The following ECT2L variants were observed in gnomAD, a reference collection of about 807,000 sequenced individuals.
The protein encoded by ECT2L is epithelial cell-transforming sequence 2 oncogene-like.
In ECT2L, 126 loss-of-function variants were observed where a neutral mutation model predicts 122.8. The observed-to-expected ratio is 1.03, with a 90% CI of 0.89 to 1.19. The LOEUF is 1.19. Among genes scored for constraint, ECT2L ranks in the 50% most tolerant of loss-of-function variants. The pLI is 0.00. For synonymous variants in ECT2L, 385 were observed against 381.8 expected, an observed-to-expected ratio of 1.01 and a Z score of -0.10; for missense variants, 1,012 against 1,064.1, an observed-to-expected ratio of 0.95 and a Z score of 0.68.
intron 9 of ECT2L, among the ~76,000 whole-genome samples, chr6:138,852,622 A>G (rs762193036): frequency 9.9e-5 from 15 of 152,138 alleles, no homozygotes; most frequent in Non-Finnish European, 1.8e-4. Flanking sequence ...TTTCAGTGAA[A>G]TTTATCATTG....
rs375837887 is a variant in ECT2L at position 138,800,083 on chromosome 6, C to T, written c.-244+3891C>T. 4.3e-4 allele frequency among the ~76,000 whole-genome samples: 65 copies of T among 152,144 alleles called. 1 individual carries two copies. The highest frequency in any genetic ancestry group is 1.5e-3 in the African/African-American group (61 of 41,424). On this transcript the variant is annotated intron_variant, in intron 1 of 21. Transcript: ENST00000541398. Reference sequence around the variant, plus strand: ...GGATCCAGTTGCAAATGAGGAGAGACACAGATTGGGGTCTTCTATTTTATT... The same window carrying T: ...GGATCCAGTTGCAAATGAGGAGAGATACAGATTGGGGTCTTCTATTTTATT...
chr6:138,861,491 C>T (rs574242000), intron 10 of ECT2L, among the ~76,000 whole-genome samples: 1 of 152,294 alleles, frequency 6.6e-6, no homozygotes, highest in South Asian at 2.1e-4. Context: ...TGATGATGAG[C>T]TTTTTTTCAT....
Position 138,897,255 on chromosome 6 carries a change from A to C in ECT2L, c.2415-3693A>C, listed in dbSNP as rs73559457. 4.6e-3 allele frequency among the ~76,000 whole-genome samples: 693 copies of C among 152,276 alleles called. 7 individuals are homozygous for C. Among genetic ancestry groups the C allele is most frequent in the African/African-American group, 0.016 (650 of 41,548 alleles). Reference sequence around the variant, plus strand: ...CAGCTGCTCCATTATGTCAATACTAAAGATGAAATTACAGCCATATCTGCA... The same window carrying C: ...CAGCTGCTCCATTATGTCAATACTACAGATGAAATTACAGCCATATCTGCA... On this transcript the variant is annotated intron_variant, in intron 20 of 21. Transcript: ENST00000541398.
In ECT2L at chr6:138,826,458, C is replaced by T. The variant is rs543346014; in HGVS notation, c.179+11855C>T. On this transcript the variant is annotated intron_variant, in intron 4 of 21. Coordinates refer to ENST00000541398, the MANE Select transcript of ECT2L (RefSeq NM_001077706.3). ...ATTCCAGCGCTTTGGGAGGCCGAGGCGGGAGGTCAAGAGTTGAGACCAGCC... is the reference window on the plus strand; with the variant it reads ...ATTCCAGCGCTTTGGGAGGCCGAGGTGGGAGGTCAAGAGTTGAGACCAGCC... 6.6e-5 allele frequency among the ~76,000 whole-genome samples: 10 copies of T among 152,016 alleles called. 1 individual carries two copies. The highest frequency in any genetic ancestry group is 1.9e-4 in the East Asian group (1 of 5,154).
intron 1 of ECT2L, among the ~76,000 whole-genome samples, chr6:138,801,892 G>T (rs1775555151): frequency 6.6e-6 from 1 of 152,204 alleles, no homozygotes; most frequent in Non-Finnish European, 1.5e-5. Context: ...ACATAAATGA[G>T]ATTGTCTGTA....
At chr6:138,840,671 C>T (rs1037174740) in intron 5 of ECT2L, among the ~76,000 whole-genome samples, 1 of 150,950 alleles carries the variant, frequency 6.6e-6, no homozygotes, top group African/African-American at 2.4e-5. Context: ...TTAAAGGTAA[C>T]ATTTCTATCA....
intron 1 of ECT2L, among the ~76,000 whole-genome samples, chr6:138,808,788 G>A (rs1162260948): frequency 1.4e-5 from 2 of 147,724 alleles, no homozygotes; most frequent in East Asian, 2.0e-4. Context: ...GTTCAGTGGC[G>A]CAATCTCGAC....
chr6:138,824,039 A>G (rs35153912), intron 4 of ECT2L, among the ~76,000 whole-genome samples: 33,855 of 150,364 alleles, frequency 0.23, 4,155 homozygotes, highest in Middle Eastern at 0.29. Flanking sequence ...GCATAAGTGA[A>G]TAACACTCTG....
In ECT2L at chr6:138,900,979, T is replaced by C; in HGVS notation, c.2446T>C (p.Phe816Leu). 6.2e-7 allele frequency: 1 copy of C among 1,614,174 alleles called. No individual in the cohort carries two copies. Among genetic ancestry groups the C allele is most frequent in the Non-Finnish European group, 8.5e-7 (1 of 1,180,022 alleles). The change falls in exon 21 of 22, where the codon TTC (phenylalanine) becomes CTC (leucine). Residue 816 changes from phenylalanine to leucine, a missense_variant. Transcript: ENST00000541398. ...TGAACACATCCATGATCTCAGCCTT[T>C]TCCTCTTCAATGATGCCCTGCTCGT... ...LYEHIHDLSL[F>L]LFNDALLVSS...
chr6:138,838,804 A>G (rs984617262), intron 5 of ECT2L, among the ~76,000 whole-genome samples: 2 of 152,208 alleles, frequency 1.3e-5, no homozygotes, highest in Non-Finnish European at 2.9e-5. Flanking sequence ...TTTGAGACGG[A>G]GTCTCGCTCT....
chr6:138,825,963 C>T (rs1224961842), intron 4 of ECT2L, among the ~76,000 whole-genome samples: 3 of 152,316 alleles, frequency 2.0e-5, no homozygotes, highest in Non-Finnish European at 4.4e-5. Context: ...CTGCCTTAGT[C>T]AACGACTCCC....
In ECT2L at chr6:138,890,492, CTTTTTTTTTTTTTTT is replaced by C. The variant is rs552594959; in HGVS notation, c.2414+1475_2414+1489del. ...TCATGACATTTTTGTTTTCTTTGAT[CTTTTTTTTTTTTTTT>C]TTTTTTTTTTTTTGGTCAGTAGCAA... On this transcript the variant is annotated intron_variant, in intron 20 of 21. Transcript: ENST00000541398. 1.5e-3 allele frequency among the ~76,000 whole-genome samples: 121 copies of C among 78,996 alleles called. 1 individual carries two copies. Among genetic ancestry groups the C allele is most frequent in the African/African-American group, 6.3e-3 (113 of 18,032 alleles). 51.8% of individuals were successfully genotyped at this position (78,996 alleles called of 152,430 possible).
At position 138,854,030 on chromosome 6, in the gene ECT2L, T is replaced by C. The variant is rs1224367196; in HGVS notation, c.1074T>C (p.Tyr358=). 2 of 1,613,678 alleles carry C rather than the reference T, an allele frequency of 1.2e-6. No homozygotes were observed. The highest frequency in any genetic ancestry group is 1.7e-6 in the Non-Finnish European group (2 of 1,179,782). ...ATTTTGATTTTTTTTCCTCAGGCTA[T>C]AAAATTGGTGTTAAAAATTTACTGA... The part of the protein sequence containing the change: ...DSREINLLQG[Y]KIGVKNLLRP... The change falls in exon 10 of 22, where the codon TAT becomes TAC. Residue 358 remains tyrosine (Y), a synonymous_variant. Coordinates refer to ENST00000541398, the MANE Select transcript of ECT2L (RefSeq NM_001077706.3).
intron 5 of ECT2L, among the ~76,000 whole-genome samples, chr6:138,842,504 G>A (rs1443534593): frequency 6.6e-6 from 1 of 151,442 alleles, no homozygotes; most frequent in Non-Finnish European, 1.5e-5. Context: ...GGGTGCGGTG[G>A]TTCACACCTG....
rs538684672 is a variant in ECT2L at position 138,845,012 on chromosome 6, T to C, written c.764+432T>C. On this transcript the variant is annotated intron_variant, in intron 7 of 21. Transcript: ENST00000541398. ...AAGTTACTGAACAAAAATAACATTT[T>C]TCCACAAGTGTTTTCTACGAAGTAA... Among the ~76,000 whole-genome samples, 212 of 152,258 alleles carry C rather than the reference T, an allele frequency of 1.4e-3. 2 individuals are homozygous for C. Among genetic ancestry groups the C allele is most frequent in the African/African-American group, 4.9e-3 (202 of 41,552 alleles).
chr6:138,896,768 C>T (rs1779232791), intron 20 of ECT2L, among the ~76,000 whole-genome samples: 1 of 152,194 alleles, frequency 6.6e-6, no homozygotes, highest in South Asian at 2.1e-4. Flanking sequence ...CTGCCTCAGC[C>T]TCCCAAGTAG....
At chr6:138,869,801 C>G (rs1778183649) in intron 13 of ECT2L, among the ~76,000 whole-genome samples, 1 of 152,224 alleles carries the variant, frequency 6.6e-6, no homozygotes, top group South Asian at 2.1e-4. Context: ...TGCAGCCTCT[C>G]TCCCAGGCCT....
At chr6:138,814,362 G>A (rs17067925) in intron 3 of ECT2L, 129 bp from the exon 4 acceptor site, 15,676 of 478,868 alleles carry the variant, frequency 0.033, 354 homozygotes, top group Non-Finnish European at 0.041. Flanking sequence ...ATGTGAAAGC[G>A]CTCTGTGAAC....
intron 16 of ECT2L, among the ~76,000 whole-genome samples, chr6:138,884,845 T>C (rs1445337937): frequency 2.0e-5 from 3 of 151,956 alleles, no homozygotes; most frequent in Non-Finnish European, 4.4e-5. Flanking sequence ...AGAGATGATA[T>C]CCATGTTACA....
Sources: allele counts gnomAD v4.1 joint callset (sites outside exome capture counted in the v4.1 genomes callset), GRCh38; gene constraint gnomAD v4.1.1; transcripts MANE v1.5; gene names NCBI Gene and HGNC (gene_info 2026-07-23, HGNC 2026-07-21).